Variants in KCNN2 observed in about 807,000 individuals in gnomAD.
The protein encoded by KCNN2 is small conductance calcium-activated potassium channel protein 2.
A neutral mutation model predicts 55.5 loss-of-function variants in KCNN2; 24 were observed. The observed-to-expected ratio is 0.43, with a 90% CI of 0.31 to 0.61. The LOEUF is 0.61. KCNN2 is among the 20% of genes least tolerant of loss of function. The pLI is 0.08. For synonymous variants in KCNN2, 431 were observed against 336.1 expected, an observed-to-expected ratio of 1.28 and a Z score of -3.09; for missense variants, 754 against 853.6, an observed-to-expected ratio of 0.88 and a Z score of 1.45.
chr5:114,190,613 C>T (rs1439415370), intron 1 of KCNN2, among the ~76,000 whole-genome samples: 1 of 152,042 alleles, frequency 6.6e-6, no homozygotes, highest in Non-Finnish European at 1.5e-5. Flanking sequence ...CCACTGTATT[C>T]TGTATCTACA....
At chr5:114,320,796 T>C (rs1273539827) in intron 2 of KCNN2, among the ~76,000 whole-genome samples, 1 of 152,144 alleles carries the variant, frequency 6.6e-6, no homozygotes, top group Admixed American at 6.5e-5. Context: ...TAGTGACAGG[T>C]AAAAGAATAG....
In KCNN2 at chr5:114,404,818, A is replaced by G; in HGVS notation, c.1599A>G (p.Leu533=). ...GTVLLVFSIS[L]WIIAAWTVRA... ...TACTCTTGGTTTTTAGTATCTCATT[A>G]TGGATAATTGCCGCATGGACTGTCC... The change falls in exon 3 of 8, where the codon TTA becomes TTG. Residue 533 remains leucine (L), a synonymous_variant. Coordinates refer to ENST00000673685, the MANE Select transcript of KCNN2 (RefSeq NM_021614.4). The G allele has an allele frequency of 6.2e-7, 1 of 1,613,920 alleles. No individual in the cohort carries two copies. The highest frequency in any genetic ancestry group is 8.5e-7 in the Non-Finnish European group (1 of 1,179,856).
intron 4 of KCNN2, among the ~76,000 whole-genome samples, chr5:114,464,955 A>T (rs1761373181): frequency 6.6e-6 from 1 of 152,196 alleles, no homozygotes; most frequent in South Asian, 2.1e-4. Flanking sequence ...GCCCATAACA[A>T]GTCCACAAGG....
intron 2 of KCNN2, among the ~76,000 whole-genome samples, chr5:114,341,200 A>G (rs1336505628): frequency 1.3e-5 from 2 of 152,206 alleles, no homozygotes; most frequent in African/African-American, 4.8e-5. Context: ...AGTTTAATCA[A>G]AGATAGCTAA....
At chr5:114,451,221 A>G (rs534391038) in intron 3 of KCNN2, among the ~76,000 whole-genome samples, 1 of 152,348 alleles carries the variant, frequency 6.6e-6, no homozygotes, top group East Asian at 1.9e-4. Context: ...TAATTCTTCA[A>G]GTTTGAAAAT....
chr5:114,490,395 A>G (rs193013933), intron 6 of KCNN2, among the ~76,000 whole-genome samples: 25 of 152,352 alleles, frequency 1.6e-4, no homozygotes, highest in African/African-American at 5.3e-4. Context: ...TTACTTGAAC[A>G]TCAAATATCA....
In KCNN2 at chr5:114,272,420, CAT is replaced by C. The variant is rs139749584; in HGVS notation, c.-185+50858_-185+50859del. On this transcript the variant is annotated intron_variant, in intron 2 of 10. Coordinates refer to the KCNN2 transcript ENST00000512097. ...ATATATGTATGTACATATCTACACA[CAT>C]ATGTACGTACATATCATATACACAC... 5.3e-3 allele frequency among the ~76,000 whole-genome samples: 86 copies of C among 16,076 alleles called. 8 individuals are homozygous for C. The highest frequency in any genetic ancestry group is 0.011 in the African/African-American group (82 of 7,330). The allele number at this position is 16,076 out of a possible 152,430, so 10.5% of individuals were successfully genotyped here.
chr5:114,416,890 G>T (rs1267645277), intron 3 of KCNN2, among the ~76,000 whole-genome samples: 1 of 152,110 alleles, frequency 6.6e-6, no homozygotes, highest in African/African-American at 2.4e-5. Flanking sequence ...CAATTTATTA[G>T]CAGAAAATAT....
intron 2 of KCNN2, among the ~76,000 whole-genome samples, chr5:114,390,820 A>G (rs1758429490): frequency 6.6e-6 from 1 of 152,160 alleles, no homozygotes; most frequent in Admixed American, 6.6e-5. Flanking sequence ...AACTTGCATA[A>G]ATTCCAAAGT....
intron 2 of KCNN2, among the ~76,000 whole-genome samples, chr5:114,295,750 G>A (rs775243764): frequency 8.5e-5 from 13 of 152,052 alleles, no homozygotes; most frequent in African/African-American, 1.7e-4. Flanking sequence ...AGATGAACCC[G>A]GTACCTTAGA....
chr5:114,224,454 T>C (rs568009137), intron 2 of KCNN2, among the ~76,000 whole-genome samples: 1 of 152,346 alleles, frequency 6.6e-6, no homozygotes, highest in Non-Finnish European at 1.5e-5. Context: ...TCTTTTAAGA[T>C]AGCTTAAATA....
chr5:114,085,255 C>A (rs1750990612), intron 1 of KCNN2, among the ~76,000 whole-genome samples: 1 of 151,888 alleles, frequency 6.6e-6, no homozygotes, highest in South Asian at 2.1e-4. Flanking sequence ...TTCTACAAAG[C>A]AGCTTACTGG....
chr5:114,144,107 CT>C (rs931415391), intron 1 of KCNN2, among the ~76,000 whole-genome samples: 6 of 152,198 alleles, frequency 3.9e-5, no homozygotes, highest in Admixed American at 2.0e-4. Context: ...GTTCTTTTAG[CT>C]TGCTTATGTC....
chr5:114,097,321 CA>C (rs562463580), intron 1 of KCNN2, among the ~76,000 whole-genome samples: 5 of 152,254 alleles, frequency 3.3e-5, no homozygotes, highest in Admixed American at 1.3e-4. Context: ...CTCTGATCTG[CA>C]AGTTAGTTCC....
At chr5:114,298,819 T>A (rs1756088910) in intron 2 of KCNN2, among the ~76,000 whole-genome samples, 3 of 152,142 alleles carry the variant, frequency 2.0e-5, no homozygotes. Flanking sequence ...ATTTTCTACA[T>A]CATGTGTGAT....
At chr5:114,291,764 A>G (rs1755894386) in intron 2 of KCNN2, among the ~76,000 whole-genome samples, 1 of 152,240 alleles carries the variant, frequency 6.6e-6, no homozygotes, top group Admixed American at 6.5e-5. Flanking sequence ...AGGAATCACC[A>G]CACCGACTTC....
chr5:114,175,016 G>A (rs564191653), intron 1 of KCNN2, among the ~76,000 whole-genome samples: 1 of 152,186 alleles, frequency 6.6e-6, no homozygotes, highest in African/African-American at 2.4e-5. Flanking sequence ...ACACTGCATC[G>A]CTTTTAACCA....
At chr5:114,439,847 A>G (rs1323456264) in intron 3 of KCNN2, among the ~76,000 whole-genome samples, 3 of 152,214 alleles carry the variant, frequency 2.0e-5, no homozygotes, top group Non-Finnish European at 4.4e-5. Flanking sequence ...ATAGGGGTAG[A>G]AAGTGGTCTA....
chr5:114,445,539 A>G (rs1397427224), intron 3 of KCNN2, among the ~76,000 whole-genome samples: 3 of 152,328 alleles, frequency 2.0e-5, no homozygotes, highest in South Asian at 2.1e-4. Flanking sequence ...AACTATTTCT[A>G]TGTAAGCTAA....
Sources: allele counts gnomAD v4.1 joint callset (sites outside exome capture counted in the v4.1 genomes callset), GRCh38; gene constraint gnomAD v4.1.1; transcripts MANE v1.5; gene names NCBI Gene and HGNC (gene_info 2026-07-23, HGNC 2026-07-21).